FTO: variants seen among roughly 807,000 people sequenced by gnomAD.
FTO encodes the protein FTO alpha-ketoglutarate dependent dioxygenase.
Under a neutral mutation model 63.9 loss-of-function variants are expected in FTO, and 47 were observed. The observed-to-expected ratio is 0.74, with a 90% CI of 0.58 to 0.94. The LOEUF (loss-of-function observed/expected upper bound fraction) is 0.94, where lower values mean the gene tolerates loss of function less well. Among genes scored for constraint, FTO ranks in the 40% least tolerant of loss-of-function variants. FTO has a pLI of 0.00. For missense variants in FTO, 562 were observed against 618.1 expected (o/e 0.91, Z 0.96); for synonymous variants, 207 against 224.4 (o/e 0.92, Z 0.69).
chr16:53,874,454 A>T (rs1190809704), intron 5 of FTO, among the ~76,000 whole-genome samples: 1 of 151,998 alleles, frequency 6.6e-6, no homozygotes, highest in Non-Finnish European at 1.5e-5. Flanking sequence ...AATGAGAAAA[A>T]CTCATATTAG....
intron 1 of FTO, among the ~76,000 whole-genome samples, chr16:53,785,908 C>CAAAAA (rs1328416598): frequency 1.4e-5 from 1 of 69,670 alleles, no homozygotes; most frequent in Non-Finnish European, 3.5e-5. Flanking sequence ...GACTCCATCT[C>CAAAAA]AAAAAGAAAA....
intron 8 of FTO, among the ~76,000 whole-genome samples, chr16:54,016,348 G>A (rs1445862208): frequency 1.3e-5 from 2 of 151,096 alleles, no homozygotes; most frequent in Non-Finnish European, 2.9e-5. Flanking sequence ...CCGAGCAACA[G>A]TCACTTGTAA....
chr16:53,895,324 A>G (rs970265792), intron 7 of FTO, among the ~76,000 whole-genome samples: 4 of 152,130 alleles, frequency 2.6e-5, no homozygotes, highest in Non-Finnish European at 4.4e-5. Context: ...CTTTTTGGGA[A>G]AAAAGAATAT....
At chr16:53,709,352 A>G (rs1484124041) in intron 1 of FTO, among the ~76,000 whole-genome samples, 1 of 152,238 alleles carries the variant, frequency 6.6e-6, no homozygotes, top group African/African-American at 2.4e-5. Context: ...AAGGCATATA[A>G]TAGAACAGTC....
intron 1 of FTO, among the ~76,000 whole-genome samples, chr16:53,768,073 C>T (rs9923544): frequency 0.42 from 63,325 of 152,056 alleles, 13,416 homozygotes; most frequent in Non-Finnish European, 0.44. Flanking sequence ...TTTTACATTA[C>T]CTAGCACAGG....
At chr16:54,087,149 T>C (rs2086270290) in intron 8 of FTO, among the ~76,000 whole-genome samples, 1 of 152,166 alleles carries the variant, frequency 6.6e-6, no homozygotes, top group South Asian at 2.1e-4. Context: ...GGGGCTAGAA[T>C]AGTGGACAAG....
intron 3 of FTO, among the ~76,000 whole-genome samples, chr16:53,832,241 T>G (rs2079163307): frequency 6.6e-6 from 1 of 152,194 alleles, no homozygotes; most frequent in Non-Finnish European, 1.5e-5. Flanking sequence ...TGTGAATGGC[T>G]TTATTCGGGA....
intron 1 of FTO, among the ~76,000 whole-genome samples, chr16:53,760,918 C>A (rs8056666): frequency 0.28 from 42,931 of 151,642 alleles, 7,662 homozygotes; most frequent in African/African-American, 0.51. Flanking sequence ...TGAGCCACTG[C>A]GCCTCATCTG....
At chr16:53,705,270 G>T (rs1010809539) in intron 1 of FTO, among the ~76,000 whole-genome samples, 2 of 152,026 alleles carry the variant, frequency 1.3e-5, no homozygotes, top group Admixed American at 6.6e-5. Flanking sequence ...AATATTCCAT[G>T]GCTTTCTGTT....
chr16:53,985,420 C>T (rs547672659), intron 8 of FTO, among the ~76,000 whole-genome samples: 2 of 152,268 alleles, frequency 1.3e-5, no homozygotes, highest in South Asian at 2.1e-4. Flanking sequence ...TTTGTAGATT[C>T]CTCAGCCAGG....
upstream of FTO, chr16:53,704,143 A>T (rs1971797137): frequency 1.3e-6 from 2 of 1,548,108 alleles, no homozygotes; most frequent in Non-Finnish European, 1.7e-6. Flanking sequence ...AGGGCGAGGG[A>T]TCTACGCAGC....
At chr16:53,790,863 T>C (rs1202401654) in intron 1 of FTO, among the ~76,000 whole-genome samples, 1 of 152,216 alleles carries the variant, frequency 6.6e-6, no homozygotes. Context: ...TCTGGACATT[T>C]ATCTTAAATT....
rs976690712 is a variant in FTO, at chr16:54,099,257, C to T, written c.1365-12505C>T. Among the ~76,000 whole-genome samples the T allele has an allele frequency of 5.3e-5, 8 of 152,180 alleles. No homozygotes were observed. The East Asian group carries it at 1.3e-3, about 26-fold the overall frequency. ...ACCTATATGCCTTCCCTCCCAATGG[C>T]TGAGTCACTAGCAGAATATATTTTC... On this transcript the variant is annotated intron_variant, in intron 8 of 8. Transcript: ENST00000471389.
At chr16:54,100,641 C>T (rs955497363) in intron 8 of FTO, among the ~76,000 whole-genome samples, 11 of 152,206 alleles carry the variant, frequency 7.2e-5, no homozygotes, top group Non-Finnish European at 1.2e-4. Context: ...ACGTGAGCCA[C>T]TGTGCCAAGC....
chr16:53,766,393 T>G (rs1438843162), intron 1 of FTO, among the ~76,000 whole-genome samples: 1 of 152,120 alleles, frequency 6.6e-6, no homozygotes, highest in Non-Finnish European at 1.5e-5. Flanking sequence ...TCCTGGCTAA[T>G]TTTTTCGTTA....
chr16:54,100,923 C>T (rs1291799975), intron 8 of FTO, among the ~76,000 whole-genome samples: 1 of 152,110 alleles, frequency 6.6e-6, no homozygotes, highest in Non-Finnish European at 1.5e-5. Flanking sequence ...CAGGGCACTC[C>T]TCTGGACCCC....
chr16:53,959,844 G>T (rs757738058), intron 8 of FTO, among the ~76,000 whole-genome samples: 4 of 152,094 alleles, frequency 2.6e-5, no homozygotes, highest in Non-Finnish European at 5.9e-5. Context: ...CCTGAAGGAG[G>T]AAGATGCCCA....
chr16:53,824,823 T>C (rs1262382963), intron 2 of FTO, among the ~76,000 whole-genome samples: 4 of 152,190 alleles, frequency 2.6e-5, no homozygotes, highest in Non-Finnish European at 5.9e-5. Flanking sequence ...CAGAGGTAAA[T>C]GTAAAATCCT....
At chr16:54,007,138 G>A (rs763538546) in intron 8 of FTO, among the ~76,000 whole-genome samples, 6 of 152,186 alleles carry the variant, frequency 3.9e-5, no homozygotes, top group African/African-American at 1.4e-4. Context: ...TGGGGGATAC[G>A]AGGTGTACAT....
Sources: gnomAD v4.1 joint callset for allele counts (sites outside exome capture counted in the v4.1 genomes callset) on GRCh38, gnomAD v4.1.1 for gene constraint, MANE v1.5 for transcripts, NCBI Gene and HGNC (gene_info 2026-07-23, HGNC 2026-07-21) for gene names.